Variants in ZNF320 observed in about 807,000 individuals in gnomAD.
ZNF320 encodes zinc finger protein 320, also known as zinc finger gene 320.
In ZNF320, 2 loss-of-function variants were observed where a neutral mutation model predicts 6.8. The observed-to-expected ratio is 0.29, with a 90% CI of 0.12 to 0.93. The LOEUF (loss-of-function observed/expected upper bound fraction) is 0.93, where lower values mean the gene tolerates loss of function less well. Ranked by LOEUF, ZNF320 falls within the 40% of genes least tolerant of loss-of-function variation. The pLI is 0.55. For synonymous variants in ZNF320, 208 were observed against 203.2 expected, an observed-to-expected ratio of 1.02 and a Z score of -0.20; for missense variants, 472 against 611.0, an observed-to-expected ratio of 0.77 and a Z score of 2.40.
At chr19:52,900,569 C>T (rs1346344190), upstream of ZNF320, among the ~76,000 whole-genome samples, 3 of 152,112 alleles carry the variant, frequency 2.0e-5, no homozygotes, top group Non-Finnish European at 1.5e-5. Context: ...TTTAGTTTTT[C>T]CTGGAATCTT....
downstream of ZNF320, among the ~76,000 whole-genome samples, chr19:52,873,622 C>T (rs1397201082): frequency 3.3e-5 from 5 of 152,202 alleles, no homozygotes; most frequent in South Asian, 2.1e-4. Flanking sequence ...TCCCCCACAA[C>T]GTATGACTTT....
chr19:52,869,664 G>C (rs2063644270), intron 5 of ZNF320, among the ~76,000 whole-genome samples: 1 of 151,936 alleles, frequency 6.6e-6, no homozygotes, highest in African/African-American at 2.4e-5. Flanking sequence ...AGCCTCCTGA[G>C]TAGCTGGGAT....
At chr19:52,882,544 G>A (rs931459420) in intron 5 of ZNF320, among the ~76,000 whole-genome samples, 6 of 152,286 alleles carry the variant, frequency 3.9e-5, no homozygotes, top group African/African-American at 1.4e-4. Context: ...CTACTCAGGA[G>A]GCTTAGGCAC....
chr19:52,898,456 A>G (rs1040280746), upstream of ZNF320, among the ~76,000 whole-genome samples: 1 of 152,238 alleles, frequency 6.6e-6, no homozygotes, highest in Non-Finnish European at 1.5e-5. Flanking sequence ...CCTCTACCCC[A>G]GAGCTCCTTC....
upstream of ZNF320, among the ~76,000 whole-genome samples, chr19:52,898,083 G>A (rs1217209198): frequency 3.9e-5 from 6 of 152,214 alleles, no homozygotes; most frequent in African/African-American, 1.4e-4. Flanking sequence ...TCCAAAATCT[G>A]GAAGTTGTCA....
In ZNF320 at chr19:52,865,834, TATG is replaced by T. The variant is rs1235727786; in HGVS notation, c.224-1678_224-1676del. 2.7e-3 allele frequency among the ~76,000 whole-genome samples: 241 copies of T among 89,936 alleles called. 2 individuals are homozygous for T. Among genetic ancestry groups the T allele is most frequent in the African/African-American group, 3.7e-3 (71 of 18,992 alleles). 59.0% of individuals were successfully genotyped at this position (89,936 alleles called of 152,430 possible). ...ATATGATTATACACATATATTTATA[TATG>T]ATTATACACATATATTTATATATTA... On this transcript the variant is annotated intron_variant, in intron 5 of 5. Coordinates refer to the ZNF320 transcript ENST00000673631.
exon 6 of ZNF320, chr19:52,862,510 CTCTT>C: frequency 5.6e-6 from 2 of 357,400 alleles, no homozygotes; most frequent in South Asian, 4.6e-5. Flanking sequence ...TGTAAGATCT[CTCTT>C]CATTATAGGT....
chr19:52,862,815 T>C (rs2063493382), exon 6 of ZNF320: 3 of 352,508 alleles, frequency 8.5e-6, no homozygotes, highest in Admixed American at 6.6e-5. Context: ...ACTGAAAACG[T>C]TGTCACATTC....
At chr19:52,867,179 TTAATTA>T (rs1279861055) in intron 5 of ZNF320, among the ~76,000 whole-genome samples, 1 of 151,586 alleles carries the variant, frequency 6.6e-6, no homozygotes, top group African/African-American at 2.4e-5. Flanking sequence ...AATTAATTAA[TTAATTA>T]ATTAATTTAT....
At chr19:52,873,579 A>G (rs148841184), downstream of ZNF320, among the ~76,000 whole-genome samples, 818 of 152,324 alleles carry the variant, frequency 5.4e-3, 35 homozygotes, top group East Asian at 0.097. Flanking sequence ...CCTTTTCTAC[A>G]TAGACACAGT....
At chr19:52,890,812 C>T (rs767385694) in intron 3 of ZNF320, among the ~76,000 whole-genome samples, 2 of 151,858 alleles carry the variant, frequency 1.3e-5, no homozygotes. Flanking sequence ...CTCAAGAGTT[C>T]GAGACCAGCC....
intron 2 of ZNF320, among the ~76,000 whole-genome samples, chr19:52,891,865 A>C (rs1179771148): frequency 6.6e-6 from 1 of 152,176 alleles, no homozygotes; most frequent in East Asian, 1.9e-4. Flanking sequence ...CTGAATTCTT[A>C]CATGGGGGCC....
chr19:52,889,775 T>G (rs1396620522), intron 4 of ZNF320, among the ~76,000 whole-genome samples: 1 of 152,210 alleles, frequency 6.6e-6, no homozygotes, highest in African/African-American at 2.4e-5. Flanking sequence ...AGTAAGTCAC[T>G]CAATTACCTA....
At chr19:52,872,331 G>A (rs1390840999), downstream of ZNF320, among the ~76,000 whole-genome samples, 1 of 152,144 alleles carries the variant, frequency 6.6e-6, no homozygotes. Context: ...GTACTGAAGG[G>A]GGCCTGCCCC....
chr19:52,903,503 C>G, the ZNF320 span, among the ~76,000 whole-genome samples: 1 of 152,186 alleles, frequency 6.6e-6, no homozygotes, highest in South Asian at 2.1e-4. Context: ...TACAGGTTAC[C>G]TTGTGCCATA....
chr19:52,886,231 T>C (rs1460609784), intron 5 of ZNF320, among the ~76,000 whole-genome samples: 1 of 152,030 alleles, frequency 6.6e-6, no homozygotes, highest in African/African-American at 2.4e-5. Context: ...ACCTCCCAGG[T>C]TCAAGTGACT....
upstream of ZNF320, among the ~76,000 whole-genome samples, chr19:52,898,276 G>A (rs1488225056): frequency 1.3e-5 from 2 of 152,158 alleles, no homozygotes; most frequent in Non-Finnish European, 2.9e-5. Flanking sequence ...ACCGCCTGGG[G>A]TGCGGAGCGG....
intron 2 of ZNF320, among the ~76,000 whole-genome samples, chr19:52,891,843 G>C (rs904998886): frequency 2.0e-5 from 3 of 152,164 alleles, no homozygotes; most frequent in Non-Finnish European, 4.4e-5. Context: ...TGAGATGAGT[G>C]AGAAGGTGTG....
At chr19:52,900,052 A>G (rs2064566506), upstream of ZNF320, among the ~76,000 whole-genome samples, 2 of 152,166 alleles carry the variant, frequency 1.3e-5, no homozygotes, top group South Asian at 4.1e-4. Context: ...TATGGGCAGT[A>G]AGAGGAAAGA....
Sources: allele counts gnomAD v4.1 joint callset (sites outside exome capture counted in the v4.1 genomes callset), GRCh38; gene constraint gnomAD v4.1.1; transcripts MANE v1.5; gene names NCBI Gene and HGNC (gene_info 2026-07-23, HGNC 2026-07-21).